The following PPARG variants were observed in gnomAD, a reference collection of about 807,000 sequenced individuals.
PPARG encodes peroxisome proliferator activated receptor gamma.
In PPARG, 17 loss-of-function variants were observed where a neutral mutation model predicts 39.2. That is an observed-to-expected ratio of 0.43 (90% CI 0.30 to 0.65). PPARG has a LOEUF of 0.65. Ranked by LOEUF, PPARG falls within the 30% of genes least tolerant of loss-of-function variation. The probability of loss-of-function intolerance (pLI) is 0.13; values close to 1 mark genes in which losing one functional copy is unlikely to be tolerated. For synonymous variants in PPARG, 223 were observed against 215.7 expected, an observed-to-expected ratio of 1.03 and a Z score of -0.30; for missense variants, 406 against 585.9, an observed-to-expected ratio of 0.69 and a Z score of 3.17.
chr3:12,294,707 C>G (rs1268425828), intron 1 of PPARG, among the ~76,000 whole-genome samples: 1 of 152,108 alleles, frequency 6.6e-6, no homozygotes, highest in Admixed American at 6.5e-5. Flanking sequence ...CCAACCTAAC[C>G]AACATGGAGA....
At chr3:12,400,564 T>C (rs531007354) in intron 5 of PPARG, among the ~76,000 whole-genome samples, 29 of 152,358 alleles carry the variant, frequency 1.9e-4, no homozygotes, top group Admixed American at 1.2e-3. Context: ...ATAATTTTTT[T>C]TACCAAGATA....
intron 2 of PPARG, among the ~76,000 whole-genome samples, chr3:12,374,970 T>A (rs972800649): frequency 4.6e-5 from 7 of 152,244 alleles, no homozygotes; most frequent in East Asian, 1.9e-4. Context: ...ATAATATTTT[T>A]AAAAATTACA....
intron 6 of PPARG, among the ~76,000 whole-genome samples, chr3:12,411,833 G>A (rs2125271850): frequency 6.6e-6 from 1 of 152,210 alleles, no homozygotes; most frequent in Middle Eastern, 3.4e-3. Flanking sequence ...TTGGATTGTA[G>A]CTAACCGAGG....
intron 1 of PPARG, among the ~76,000 whole-genome samples, chr3:12,303,148 C>T (rs918704979): frequency 5.3e-5 from 8 of 151,992 alleles, no homozygotes; most frequent in East Asian, 1.9e-4. Flanking sequence ...GTTAGAAGAC[C>T]GCTGCCCTAA....
In PPARG at chr3:12,434,029, A is replaced by G; in HGVS notation, c.1312A>G (p.Thr438Ala). The change falls in exon 8 of 8, where the codon ACA (threonine) becomes GCA (alanine). Residue 438 changes from threonine (T) to alanine (A), a missense_variant. Around this residue, in one of 2 missense-constraint regions of PPARG, gnomAD observed 275 missense variants for 458.0 expected, o/e 0.60. Coordinates refer to ENST00000651735, the MANE Select transcript of PPARG (RefSeq NM_138711.6). The surrounding 1 kb of genome is among the most constrained non-coding windows in gnomAD (Gnocchi z 4.2). ...GTTTGCCAAGCTGCTCCAGAAAATG[A>G]CAGACCTCAGACAGATTGTCACGGA... is the stretch of plus-strand genomic sequence containing the variant. ...QLFAKLLQKM[T>A]DLRQIVTEHV... 1 of 1,614,220 alleles carries G rather than the reference A, an allele frequency of 6.2e-7. No individual in the cohort carries two copies. The highest frequency in any genetic ancestry group is 8.5e-7 in the Non-Finnish European group (1 of 1,180,046).
intron 2 of PPARG, among the ~76,000 whole-genome samples, chr3:12,352,682 T>C (rs1189639607): frequency 6.6e-6 from 1 of 152,250 alleles, no homozygotes; most frequent in African/African-American, 2.4e-5. Flanking sequence ...CTTTTAATTT[T>C]CCTGGAAGCC....
intron 1 of PPARG, among the ~76,000 whole-genome samples, chr3:12,311,319 G>T (rs1414433724): frequency 1.3e-5 from 2 of 152,056 alleles, no homozygotes; most frequent in African/African-American, 2.4e-5. Flanking sequence ...GCTCAGGCTG[G>T]TCTCCAACTC....
At chr3:12,311,343 A>G (rs555422127) in intron 1 of PPARG, among the ~76,000 whole-genome samples, 63 of 152,214 alleles carry the variant, frequency 4.1e-4, no homozygotes, top group Admixed American at 2.7e-3. Flanking sequence ...GGCTCAAGCA[A>G]TCCGCCTGCC....
At chr3:12,427,651 A>C (rs1160380282) in intron 7 of PPARG, among the ~76,000 whole-genome samples, 1 of 152,232 alleles carries the variant, frequency 6.6e-6, no homozygotes, top group African/African-American at 2.4e-5. Context: ...GTCCACAGGC[A>C]CACAGAAACT....
chr3:12,367,905 A>G (rs957917820), intron 2 of PPARG, among the ~76,000 whole-genome samples: 2 of 151,504 alleles, frequency 1.3e-5, no homozygotes, highest in Non-Finnish European at 2.9e-5. Flanking sequence ...AATAAAATAT[A>G]ATAAAAAACA....
At chr3:12,290,809 A>G (rs761035200) in intron 1 of PPARG, among the ~76,000 whole-genome samples, 11 of 152,216 alleles carry the variant, frequency 7.2e-5, no homozygotes, top group Non-Finnish European at 1.6e-4. Flanking sequence ...TACAAGTATT[A>G]ATAATACATT....
intron 2 of PPARG, among the ~76,000 whole-genome samples, chr3:12,348,424 T>C (rs184438157): frequency 1.2e-3 from 176 of 152,330 alleles, no homozygotes; most frequent in African/African-American, 4.1e-3. Context: ...GAAGACTAAA[T>C]GTTGAAGAGT....
chr3:12,354,460 A>G (rs937795462), intron 2 of PPARG, among the ~76,000 whole-genome samples: 2 of 139,638 alleles, frequency 1.4e-5, no homozygotes, highest in Non-Finnish European at 3.3e-5. Flanking sequence ...TTAAAAAAAG[A>G]AAAGGCTGGG....
intron 2 of PPARG, among the ~76,000 whole-genome samples, chr3:12,357,160 C>G (rs1378407008): frequency 1.3e-5 from 2 of 152,072 alleles, no homozygotes; most frequent in Admixed American, 1.3e-4. Flanking sequence ...AGATGATGCT[C>G]AAATGTGAGT....
chr3:12,410,821 T>C (rs1027575939), intron 6 of PPARG, among the ~76,000 whole-genome samples: 8 of 152,206 alleles, frequency 5.3e-5, no homozygotes, highest in Non-Finnish European at 8.8e-5. Context: ...TCAAAGCTAT[T>C]GGAAAGATAT....
chr3:12,404,170 A>G (rs574490733), intron 5 of PPARG, among the ~76,000 whole-genome samples: 1 of 152,282 alleles, frequency 6.6e-6, no homozygotes, highest in South Asian at 2.1e-4. Context: ...AGGTTTCTAT[A>G]TGAAGAGGCC....
At chr3:12,306,699 G>A (rs888066362) in intron 1 of PPARG, among the ~76,000 whole-genome samples, 1 of 152,188 alleles carries the variant, frequency 6.6e-6, no homozygotes, top group African/African-American at 2.4e-5. Flanking sequence ...ATCAGCTTAT[G>A]TGTCTTGTAA....
rs1006474769 is a variant in PPARG, at chr3:12,327,945, G to A, written c.-9+15492G>A. The A allele has an allele frequency of 1.3e-5, 9 of 694,288 alleles. No individual in the cohort carries two copies. In the African/African-American group the frequency reaches 1.4e-4, roughly 11 times the overall value. 43.0% of individuals were successfully genotyped at this position (694,288 alleles called of 1,614,324 possible). ...GCTCTGTTTTCTTTACAAAATGTGTGTATGGAAAGGTAAAATGGGAATAAA... is the reference window on the plus strand; with the variant it reads ...GCTCTGTTTTCTTTACAAAATGTGTATATGGAAAGGTAAAATGGGAATAAA... On this transcript the variant is annotated intron_variant, in intron 2 of 7. Transcript: ENST00000651735.
intron 6 of PPARG, among the ~76,000 whole-genome samples, chr3:12,411,663 T>A (rs1431014261): frequency 1.3e-5 from 2 of 152,228 alleles, no homozygotes; most frequent in Admixed American, 6.5e-5. Context: ...GACTTTGGAA[T>A]GTCTCTGGCT....
Sources: allele counts gnomAD v4.1 joint callset (sites outside exome capture counted in the v4.1 genomes callset), GRCh38; gene constraint gnomAD v4.1.1; regional missense constraint gnomAD v4.1.1; non-coding constraint Gnocchi (gnomAD v3.1); transcripts MANE v1.5; gene names NCBI Gene and HGNC (gene_info 2026-07-23, HGNC 2026-07-21).